Variants in PREX2 observed in about 807,000 individuals in gnomAD.
PREX2 encodes phosphatidylinositol-3,4,5-trisphosphate dependent Rac exchange factor 2.
PREX2 carries 107 observed loss-of-function variants against 203.2 expected under a neutral mutation model. That is an observed-to-expected ratio of 0.53 (90% CI 0.45 to 0.62). The LOEUF (loss-of-function observed/expected upper bound fraction) is 0.62. Ranked by LOEUF, PREX2 falls within the 20% of genes least tolerant of loss-of-function variation. The pLI, the probability that PREX2 is intolerant of heterozygous loss-of-function variation, is 0.00. For synonymous variants in PREX2, 672 were observed against 663.6 expected, an observed-to-expected ratio of 1.01 and a Z score of -0.19; for missense variants, 1,777 against 1,955.9, an observed-to-expected ratio of 0.91 and a Z score of 1.72.
intron 1 of PREX2, among the ~76,000 whole-genome samples, chr8:67,970,084 G>GT (rs1805883973): frequency 6.6e-6 from 1 of 152,188 alleles, no homozygotes; most frequent in African/African-American, 2.4e-5. Context: ...ATGGGAAATA[G>GT]TAAGAGGGAA....
In PREX2 at chr8:68,147,975, G is replaced by A. The variant is rs188534886; in HGVS notation, c.4231+1623G>A. 3.3e-5 allele frequency among the ~76,000 whole-genome samples: 5 copies of A among 152,224 alleles called. No individual in the cohort carries two copies. The East Asian group carries it at 5.8e-4, about 18-fold the overall frequency. ...ATCTAAAATATGTTGGGCTAGTTGC[G>A]GTGGCTCACGCATGTAATCCTAGCA... On this transcript the variant is annotated intron_variant, in intron 34 of 39. Coordinates refer to ENST00000288368, the MANE Select transcript of PREX2 (RefSeq NM_024870.4).
intron 35 of PREX2, among the ~76,000 whole-genome samples, chr8:68,170,909 A>G (rs920331536): frequency 6.6e-6 from 1 of 152,178 alleles, no homozygotes; most frequent in African/African-American, 2.4e-5. Flanking sequence ...GCATCAATGC[A>G]TGGTAAAAGC....
intron 2 of PREX2, among the ~76,000 whole-genome samples, chr8:68,019,215 G>C (rs184112694): frequency 1.3e-5 from 2 of 152,222 alleles, no homozygotes; most frequent in Non-Finnish European, 2.9e-5. Flanking sequence ...GTCCGTTCTG[G>C]TATGCCCTTC....
At chr8:68,053,068 T>C (rs1021186905) in intron 8 of PREX2, 29 bp from the exon 9 acceptor site, 16 of 1,598,556 alleles carry the variant, frequency 1.0e-5, no homozygotes, top group Admixed American at 1.7e-5. Context: ...TTACATTTTG[T>C]TCATTTGCCT....
intron 29 of PREX2, 86 bp from the exon 30 acceptor site, chr8:68,120,835 A>G: frequency 8.8e-7 from 1 of 1,141,496 alleles, no homozygotes; most frequent in Non-Finnish European, 1.2e-6. Context: ...CTAGGACAAC[A>G]GTGACAGAAG....
chr8:68,173,609 G>A (rs1401711840), intron 35 of PREX2, among the ~76,000 whole-genome samples: 2 of 152,080 alleles, frequency 1.3e-5, no homozygotes, highest in Admixed American at 6.6e-5. Flanking sequence ...TTACTTTCAT[G>A]TTAGAAATTT....
chr8:68,176,722 G>A (rs543714793), intron 35 of PREX2: 4 of 152,244 alleles, frequency 2.6e-5, no homozygotes, highest in East Asian at 1.9e-4. Context: ...GGTAGCTTTC[G>A]TGAGTTTTTC....
intron 22 of PREX2, among the ~76,000 whole-genome samples, chr8:68,099,076 AGAACTTACTAATT>A (rs886612075): frequency 9.2e-5 from 14 of 151,462 alleles, no homozygotes; most frequent in African/African-American, 3.4e-4. Flanking sequence ...AATAGTCAAA[AGAACTTACTAATT>A]GAAAACATCA....
intron 1 of PREX2, among the ~76,000 whole-genome samples, chr8:67,964,760 G>T (rs1174505933): frequency 6.6e-6 from 1 of 152,056 alleles, no homozygotes; most frequent in Non-Finnish European, 1.5e-5. Flanking sequence ...TTTGTTATGT[G>T]TTTCTTATGT....
intron 30 of PREX2, among the ~76,000 whole-genome samples, chr8:68,122,651 T>G (rs1810800377): frequency 6.6e-6 from 1 of 152,052 alleles, no homozygotes. Context: ...AATCCTTAAA[T>G]CATCTCCCCC....
intron 39 of PREX2, among the ~76,000 whole-genome samples, chr8:68,224,836 T>C (rs1473771384): frequency 1.3e-5 from 2 of 152,150 alleles, no homozygotes; most frequent in African/African-American, 4.8e-5. Context: ...TTGCAAGTTC[T>C]ATCATGAATT....
chr8:67,957,288 T>G (rs1301884466), intron 1 of PREX2, among the ~76,000 whole-genome samples: 2 of 133,456 alleles, frequency 1.5e-5, no homozygotes, highest in Non-Finnish European at 3.2e-5. Context: ...TGAGAAAACT[T>G]TATATTCCAG....
chr8:68,108,369 G>A, intron 24 of PREX2, 38 bp downstream of exon 24: 6 of 1,464,458 alleles, frequency 4.1e-6, no homozygotes, highest in Middle Eastern at 1.7e-4. Context: ...ATCATGAAAA[G>A]CAATTTAGGC....
chr8:68,143,032 C>T (rs1811256547), intron 33 of PREX2, among the ~76,000 whole-genome samples: 1 of 152,088 alleles, frequency 6.6e-6, no homozygotes, highest in African/African-American at 2.4e-5. Flanking sequence ...TTGCATTTCC[C>T]TTATAACAAA....
chr8:67,974,228 C>G (rs1045677171), intron 1 of PREX2, among the ~76,000 whole-genome samples: 1 of 152,002 alleles, frequency 6.6e-6, no homozygotes, highest in Non-Finnish European at 1.5e-5. Flanking sequence ...GAAAGCTTTT[C>G]TTTCAGTGGT....
intron 39 of PREX2, among the ~76,000 whole-genome samples, chr8:68,230,925 A>C (rs1388241365): frequency 1.3e-5 from 2 of 152,232 alleles, no homozygotes; most frequent in African/African-American, 4.8e-5. Flanking sequence ...TCAGAAAATC[A>C]GTAGACCCCT....
chr8:68,187,100 A>G (rs1812205221), intron 35 of PREX2, among the ~76,000 whole-genome samples: 1 of 149,812 alleles, frequency 6.7e-6, no homozygotes, highest in South Asian at 2.1e-4. Flanking sequence ...CTGTTTCTGT[A>G]GCAATGCTTC....
intron 35 of PREX2, among the ~76,000 whole-genome samples, chr8:68,170,156 A>C (rs1461432703): frequency 6.6e-6 from 1 of 152,184 alleles, no homozygotes; most frequent in Non-Finnish European, 1.5e-5. Flanking sequence ...TGAGGAAGAC[A>C]GAGAAGGCCA....
chr8:68,139,574 G>A (rs981583143), intron 33 of PREX2, among the ~76,000 whole-genome samples: 4 of 152,180 alleles, frequency 2.6e-5, no homozygotes, highest in Admixed American at 2.0e-4. Flanking sequence ...TCTGACTGCT[G>A]TGTTAAATAG....
Sources: allele counts gnomAD v4.1 joint callset (sites outside exome capture counted in the v4.1 genomes callset), GRCh38; gene constraint gnomAD v4.1.1; transcripts MANE v1.5; gene names NCBI Gene and HGNC (gene_info 2026-07-23, HGNC 2026-07-21).